Variants in ZC3H12B observed in about 807,000 individuals in gnomAD.
ZC3H12B encodes probable ribonuclease ZC3H12B.
A neutral mutation model predicts 43.9 loss-of-function variants in ZC3H12B; 7 were observed. That is an observed-to-expected ratio of 0.16 (90% CI 0.09 to 0.30). The LOEUF is 0.30. Among genes scored for constraint, ZC3H12B ranks in the 10% least tolerant of loss-of-function variants. The pLI is 1.00. For missense variants in ZC3H12B, 475 were observed against 670.2 expected (o/e 0.71, Z 3.22); for synonymous variants, 222 against 241.7 (o/e 0.92, Z 0.76).
the ZC3H12B span, among the ~76,000 whole-genome samples, chrX:65,280,376 A>G: frequency 1.8e-5 from 2 of 112,326 alleles, no homozygotes; most frequent in South Asian, 3.6e-4. Flanking sequence ...CTCTTAATAA[A>G]TTAGGTACAG....
At chrX:65,096,429 G>T in the ZC3H12B span, among the ~76,000 whole-genome samples, 60 of 111,896 alleles carry the variant, frequency 5.4e-4, no homozygotes, top group African/African-American at 1.9e-3. Context: ...TGGAAAAATA[G>T]ACAACATGTA....
At chrX:65,331,349 A>T in the ZC3H12B span, 1 of 111,767 alleles carries the variant, frequency 8.9e-6, no homozygotes, top group African/African-American at 3.3e-5. Flanking sequence ...CAAGGATGAA[A>T]TTGGAGAGCA....
At chrX:65,182,430 AAAT>A in the ZC3H12B span, among the ~76,000 whole-genome samples, 1 of 110,969 alleles carries the variant, frequency 9.0e-6, no homozygotes, top group African/African-American at 3.3e-5. Flanking sequence ...ATTAAAAAAT[AAAT>A]AAATAAATAA....
chrX:65,343,498 C>T, the ZC3H12B span, among the ~76,000 whole-genome samples: 1 of 111,722 alleles, frequency 9.0e-6, no homozygotes, highest in African/African-American at 3.2e-5. Flanking sequence ...AAAGCCTTAT[C>T]CCTGGAATAA....
the ZC3H12B span, among the ~76,000 whole-genome samples, chrX:65,345,331 TGTG>T: frequency 3.6e-5 from 4 of 112,053 alleles, no homozygotes; most frequent in Non-Finnish European, 7.5e-5. Flanking sequence ...ATCAAGCAAA[TGTG>T]GTACATATAC....
chrX:65,431,183 TG>T (rs1226411856), intron 3 of ZC3H12B, among the ~76,000 whole-genome samples: 1 of 112,639 alleles, frequency 8.9e-6, no homozygotes, highest in African/African-American at 3.2e-5. Context: ...AATACCATGA[TG>T]GTGATTAAGG....
At chrX:65,253,924 C>T in the ZC3H12B span, among the ~76,000 whole-genome samples, 79 of 112,243 alleles carry the variant, frequency 7.0e-4, no homozygotes, top group Non-Finnish European at 1.3e-3. Context: ...ATTGACTCCA[C>T]TTTCCTGCCA....
At chrX:65,258,339 TA>T in the ZC3H12B span, among the ~76,000 whole-genome samples, 2 of 111,778 alleles carry the variant, frequency 1.8e-5, no homozygotes, top group Non-Finnish European at 3.8e-5. Flanking sequence ...TCAATAGATG[TA>T]AAAAAGGCTT....
the ZC3H12B span, among the ~76,000 whole-genome samples, chrX:65,163,253 C>T: frequency 9.0e-6 from 1 of 111,487 alleles, no homozygotes; most frequent in African/African-American, 3.3e-5. Flanking sequence ...TCTTCCCATT[C>T]TCAGATCTCC....
exon 5 of ZC3H12B, chrX:65,504,849 A>G (rs2068409781): frequency 8.9e-6 from 1 of 112,845 alleles, no homozygotes; most frequent in Non-Finnish European, 1.9e-5. Flanking sequence ...CTAGGAAACA[A>G]AACCAGGGGA....
chrX:65,112,647 C>G, the ZC3H12B span, among the ~76,000 whole-genome samples: 2 of 111,720 alleles, frequency 1.8e-5, no homozygotes, highest in South Asian at 3.7e-4. Context: ...AACTATAAAG[C>G]CTGGATGACA....
intron 3 of ZC3H12B, among the ~76,000 whole-genome samples, chrX:65,454,428 G>A (rs2067573404): frequency 8.9e-6 from 1 of 112,191 alleles, no homozygotes; most frequent in Non-Finnish European, 1.9e-5. Context: ...AGTGAGGCAG[G>A]GGGAGGGGCG....
chrX:65,217,834 G>T, the ZC3H12B span, among the ~76,000 whole-genome samples: 1 of 111,502 alleles, frequency 9.0e-6, no homozygotes, highest in Non-Finnish European at 1.9e-5. Context: ...AAAATTAAGA[G>T]CTATTGGCCT....
chrX:65,440,702 G>A (rs1602442669), intron 3 of ZC3H12B, among the ~76,000 whole-genome samples: 1 of 112,268 alleles, frequency 8.9e-6, no homozygotes, highest in African/African-American at 3.2e-5. Context: ...ATTATAGCAG[G>A]AGAAGGCAAT....
At chrX:65,289,784 T>C in the ZC3H12B span, among the ~76,000 whole-genome samples, 1 of 110,482 alleles carries the variant, frequency 9.1e-6, no homozygotes, top group Non-Finnish European at 1.9e-5. Context: ...GACAGTCATA[T>C]GCAAAAGAAT....
the ZC3H12B span, among the ~76,000 whole-genome samples, chrX:65,164,759 G>C: frequency 1.8e-5 from 2 of 111,586 alleles, no homozygotes; most frequent in East Asian, 2.8e-4. Context: ...CAGATTGTTG[G>C]TCTGGCTTAT....
the ZC3H12B span, among the ~76,000 whole-genome samples, chrX:65,155,581 G>A: frequency 8.9e-6 from 1 of 111,895 alleles, no homozygotes; most frequent in African/African-American, 3.2e-5. Flanking sequence ...AGCCAGGCAT[G>A]ATGGCTTATG....
the ZC3H12B span, among the ~76,000 whole-genome samples, chrX:65,161,975 C>T: frequency 1.8e-5 from 2 of 111,667 alleles, no homozygotes; most frequent in African/African-American, 3.3e-5. Context: ...GTGACAAAAT[C>T]TCTCAGCATT....
chrX:65,383,051 G>C, intron 2 of ZC3H12B, among the ~76,000 whole-genome samples: 1 of 111,232 alleles, frequency 9.0e-6, no homozygotes, highest in Non-Finnish European at 1.9e-5. Context: ...CAGATTCAAT[G>C]CCATCCCCAT....
Sources: gnomAD v4.1 joint callset for allele counts (sites outside exome capture counted in the v4.1 genomes callset) on GRCh38, gnomAD v4.1.1 for gene constraint, MANE v1.5 for transcripts, NCBI Gene and HGNC (gene_info 2026-07-23, HGNC 2026-07-21) for gene names.